Variants in ZDHHC24 observed in about 807,000 individuals in gnomAD.
ZDHHC24 encodes the protein zDHHC palmitoyltransferase 24, also known as probable palmitoyltransferase ZDHHC24.
ZDHHC24 carries 17 observed loss-of-function variants against 23.2 expected under a neutral mutation model. That is an observed-to-expected ratio of 0.73 (90% CI 0.50 to 1.10). The LOEUF (loss-of-function observed/expected upper bound fraction) is 1.10. Ranked by LOEUF, ZDHHC24 falls within the 50% of genes least tolerant of loss-of-function variation. ZDHHC24 has a pLI of 0.00. For synonymous variants in ZDHHC24, 186 were observed against 194.5 expected (o/e 0.96, Z 0.36); for missense variants, 366 against 393.0 (o/e 0.93, Z 0.58).
downstream of ZDHHC24, among the ~76,000 whole-genome samples, chr11:66,533,863 T>TTTAAAAATA (rs1438024335): frequency 6.6e-6 from 1 of 152,234 alleles, no homozygotes; most frequent in Non-Finnish European, 1.5e-5. Flanking sequence ...CTCAAATATC[T>TTTAAAAATA]TCTTTAAAAA....
intron 2 of ZDHHC24, among the ~76,000 whole-genome samples, chr11:66,541,352 G>A (rs1335750157): frequency 4.6e-5 from 7 of 151,318 alleles, no homozygotes; most frequent in South Asian, 4.2e-4. Flanking sequence ...GTGGTGAGCC[G>A]AGATCGCGCT....
chr11:66,543,083 C>A (rs1457106769), intron 2 of ZDHHC24, among the ~76,000 whole-genome samples: 2 of 152,130 alleles, frequency 1.3e-5, no homozygotes, highest in African/African-American at 4.8e-5. Context: ...AAGGCCAAAG[C>A]ATTCTGGGGG....
At position 66,543,692 on chromosome 11, in the gene ZDHHC24, C is replaced by T. The variant is rs1405573536; in HGVS notation, c.559+12G>A. 1 of 1,562,788 alleles carries T rather than the reference C, an allele frequency of 6.4e-7. No homozygotes were observed. Among genetic ancestry groups the T allele is most frequent in the Non-Finnish European group, 8.7e-7 (1 of 1,153,252 alleles). ...CCCCTGCCTCTGTGCAGAGGCCTCC[C>T]AGGCTCCCCACCTGTGAGCAACATG... On this transcript the variant is annotated intron_variant, in intron 2 of 2. Coordinates refer to ENST00000310442, the MANE Select transcript of ZDHHC24 (RefSeq NM_207340.3).
chr11:66,529,756 G>A (rs546774521), intron 2 of ZDHHC24: 29 of 1,597,272 alleles, frequency 1.8e-5, no homozygotes, highest in African/African-American at 1.5e-4. Flanking sequence ...GGAGTGCCCC[G>A]TTGCTGCCTC....
chr11:66,533,659 G>A (rs1232229197), downstream of ZDHHC24: 1 of 152,118 alleles, frequency 6.6e-6, no homozygotes, highest in African/African-American at 2.4e-5. Flanking sequence ...GTTTTCTGAT[G>A]GACTGATTGC....
intron 4 of ZDHHC24, among the ~76,000 whole-genome samples, chr11:66,525,913 A>C (rs1213685081): frequency 6.6e-6 from 1 of 152,174 alleles, no homozygotes; most frequent in Non-Finnish European, 1.5e-5. Context: ...GTTGACCCCA[A>C]AAGTGAGGGC....
At chr11:66,529,675 C>A in intron 2 of ZDHHC24, 1 of 1,069,836 alleles carries the variant, frequency 9.3e-7, no homozygotes, top group Non-Finnish European at 1.4e-6. Flanking sequence ...GGCTCTTTCC[C>A]TCCTCCCCAG....
intron 2 of ZDHHC24, among the ~76,000 whole-genome samples, chr11:66,543,449 C>G (rs2134890730): frequency 6.6e-6 from 1 of 152,346 alleles, no homozygotes; most frequent in Non-Finnish European, 1.5e-5. Context: ...CATGCAGAGA[C>G]TCCCACGAGT....
chr11:66,521,218 G>A, exon 5 of ZDHHC24: 1 of 1,393,674 alleles, frequency 7.2e-7, no homozygotes, highest in Non-Finnish European at 1.0e-6. Context: ...GACAGGGCAG[G>A]GAGGGACGGG....
downstream of ZDHHC24, chr11:66,531,630 CCTTA>C (rs373706149): frequency 4.6e-5 from 74 of 1,614,010 alleles, 1 homozygote; most frequent in African/African-American, 2.4e-4. Context: ...GGGCTGGTTT[CCTTA>C]CTTCTTTGTC....
At chr11:66,532,027 C>T (rs144492051), downstream of ZDHHC24, 119 of 1,604,672 alleles carry the variant, frequency 7.4e-5, no homozygotes, top group East Asian at 1.1e-3. Flanking sequence ...GAGGGGCTGG[C>T]GGCCGCCTGA....
chr11:66,532,130 C>A, downstream of ZDHHC24: 2 of 1,342,098 alleles, frequency 1.5e-6, no homozygotes, highest in Non-Finnish European at 2.0e-6. Context: ...CAGCAGTGTG[C>A]TGGGGCGACA....
At chr11:66,540,445 A>AG (rs1857118559) in intron 2 of ZDHHC24, among the ~76,000 whole-genome samples, 1 of 150,930 alleles carries the variant, frequency 6.6e-6, no homozygotes, top group Non-Finnish European at 1.5e-5. Flanking sequence ...AAAAAAAAAA[A>AG]AAGGCCGGAC....
chr11:66,543,549 C>A (rs1857212788), intron 2 of ZDHHC24, among the ~76,000 whole-genome samples, 155 bp downstream of exon 2: 1 of 152,202 alleles, frequency 6.6e-6, no homozygotes, highest in Admixed American at 6.5e-5. Flanking sequence ...CATACTGCAC[C>A]CCCGGGTGAA....
chr11:66,529,593 C>G lies in ZDHHC24; in HGVS notation c.560-105G>C. ...AAGCCAGTGAAGGAGCTAGATAGTG[C>G]AGGCAGGGAGGTGGTAAGAGAGTGA... On this transcript the variant is annotated intron_variant, in intron 2 of 4. Coordinates refer to the ZDHHC24 transcript ENST00000526986. The G allele has an allele frequency of 1.3e-5, 9 of 691,208 alleles. No individual in the cohort carries two copies. The South Asian group carries it at 1.5e-4, about 11-fold the overall frequency. 42.8% of individuals were successfully genotyped at this position (691,208 alleles called of 1,614,324 possible).
intron 3 of ZDHHC24, chr11:66,529,250 T>C (rs1031749951): frequency 2.6e-6 from 4 of 1,514,326 alleles, no homozygotes; most frequent in Non-Finnish European, 3.5e-6. Flanking sequence ...CTGCAAACGG[T>C]GAGATGTGAG....
rs1368189497 is a variant in ZDHHC24, at chr11:66,529,804, G to A, written c.560-316C>T. 5.0e-6 allele frequency: 8 copies of A among 1,610,130 alleles called. No individual in the cohort carries two copies. The highest frequency in any genetic ancestry group is 6.8e-6 in the Non-Finnish European group (8 of 1,179,926). On this transcript the variant is annotated intron_variant, in intron 2 of 4. Coordinates refer to the ZDHHC24 transcript ENST00000526986. ...CCCCACCTCCACCGTCAGCCTCTGG[G>A]ACCCTTCTCCACAGCCATGCACCGG...
chr11:66,543,837 C>T lies in ZDHHC24; in HGVS notation c.426G>A (p.Leu142=). 1 of 1,613,848 alleles carries T rather than the reference C, an allele frequency of 6.2e-7. No homozygotes were observed. Among genetic ancestry groups the T allele is most frequent in the African/African-American group, 1.3e-5 (1 of 75,046 alleles). Residue 142 remains leucine, a synonymous_variant, in exon 2 of 3, where the codon CTG becomes CTA. Transcript: ENST00000310442. ...GFGNYRPFLC[L]LLHAAGVLLH... ...GCAGGACGCCGGCGGCATGAAGCAG[C>T]AGGCACAGGAAGGGCCGGTAGTTGC...
chr11:66,535,240 G>A (rs931209673), downstream of ZDHHC24, among the ~76,000 whole-genome samples: 5 of 150,922 alleles, frequency 3.3e-5, no homozygotes, highest in African/African-American at 1.2e-4. Context: ...ACAGAGTCTA[G>A]CTCTTGTCAC....
Sources: gnomAD v4.1 joint callset for allele counts (sites outside exome capture counted in the v4.1 genomes callset) on GRCh38, gnomAD v4.1.1 for gene constraint, MANE v1.5 for transcripts, NCBI Gene and HGNC (gene_info 2026-07-23, HGNC 2026-07-21) for gene names.